The following AOC1 variants were observed in gnomAD, a reference collection of about 807,000 sequenced individuals.
AOC1 encodes the protein diamine oxidase [copper-containing].
Under a neutral mutation model 57.1 loss-of-function variants are expected in AOC1, and 58 were observed. The observed-to-expected ratio is 1.02, with a 90% CI of 0.82 to 1.26. The LOEUF (loss-of-function observed/expected upper bound fraction) is 1.26, where lower values mean the gene tolerates loss of function less well. AOC1 is among the 50% of genes most tolerant of loss of function. The pLI is 0.00. For synonymous variants in AOC1, 401 were observed against 423.4 expected (o/e 0.95, Z 0.65); for missense variants, 917 against 1,005.3 (o/e 0.91, Z 1.19).
chr7:150,860,375 G>A, intron 3 of AOC1, 126 bp from the exon 4 acceptor site: 1 of 1,538,294 alleles, frequency 6.5e-7, no homozygotes. Context: ...TCCCAGGACA[G>A]ATGATCTGTC....
Position 150,861,407 on chromosome 7 carries a change from T to A in AOC1, c.*198T>A. ...ACAGACATGCACACACACACAGACG[T>A]GCACACACACAGACGTGCACGCACT... On this transcript the variant is annotated 3_prime_UTR_variant, in exon 5 of 5. Coordinates refer to ENST00000360937, the MANE Select transcript of AOC1 (RefSeq NM_001091.4). The surrounding 1 kb of genome is among the most constrained non-coding windows in gnomAD (Gnocchi z 4.5). 1.7e-6 allele frequency: 1 copy of A among 583,808 alleles called. No individual in the cohort carries two copies. The highest frequency in any genetic ancestry group is 2.9e-6 in the Non-Finnish European group (1 of 346,906). The allele number at this position is 583,808 out of a possible 1,614,324, so 36.2% of individuals were successfully genotyped here.
Position 150,861,277 on chromosome 7 carries a change from C to G in AOC1, c.*68C>G. The G allele has an allele frequency of 6.8e-7, 1 of 1,479,132 alleles. No individual in the cohort carries two copies. The highest frequency in any genetic ancestry group is 9.0e-7 in the Non-Finnish European group (1 of 1,105,262). 91.6% of individuals were successfully genotyped at this position (1,479,132 alleles called of 1,614,324 possible). ...GAGCCTCACTGGGGCAGACAATAAA[C>G]CCTCAGAGCCTCGCTCTGTGTGCTG... On this transcript the variant is annotated 3_prime_UTR_variant, in exon 5 of 5. Transcript: ENST00000360937. This position sits in a 1 kb window ranked among gnomAD's most constrained non-coding sequence, Gnocchi z 4.5.
At position 150,861,356 on chromosome 7, in the gene AOC1, G is replaced by GCA. The variant is rs34090933; in HGVS notation, c.*156_*157dup. On this transcript the variant is annotated 3_prime_UTR_variant, in exon 5 of 5. Transcript: ENST00000360937. The surrounding 1 kb of genome is among the most constrained non-coding windows in gnomAD (Gnocchi z 4.5). Reference sequence around the variant, plus strand: ...GTGTAGGAAACACACGAACAGACGTGCACACACACAGACGTGCACACACAC... The same window carrying GCA: ...GTGTAGGAAACACACGAACAGACGTGCACACACACACAGACGTGCACACACAC... The GCA allele has an allele frequency of 0.5, 391,352 of 778,766 alleles. 106,326 individuals are homozygous for GCA. The highest frequency in any genetic ancestry group is 0.71 in the African/African-American group (39,968 of 56,174). 48.2% of individuals were successfully genotyped at this position (778,766 alleles called of 1,614,324 possible).
chr7:150,856,429 A>G lies in AOC1; in HGVS notation c.-16-26A>G. 6.4e-7 allele frequency: 1 copy of G among 1,567,730 alleles called. No individual in the cohort carries two copies. The highest frequency in any genetic ancestry group is 2.2e-5 in the East Asian group (1 of 44,592). On this transcript the variant is annotated intron_variant, in intron 1 of 4. Transcript: ENST00000360937. The surrounding 1 kb of genome is among the most constrained non-coding windows in gnomAD (Gnocchi z 5.2). ...CCCATCTCTGCCCATAAGACAACTA[A>G]GTTCATCTCCTCTATTGCATTCCAG...
Position 150,857,904 on chromosome 7 carries a change from G to T in AOC1, c.1434G>T (p.Lys478Asn). 1.9e-6 allele frequency: 3 copies of T among 1,613,528 alleles called. No homozygotes were observed. Among genetic ancestry groups the T allele is most frequent in the Non-Finnish European group, 2.5e-6 (3 of 1,179,774 alleles). The change falls in exon 2 of 5, where the codon AAG becomes AAT. Residue 478 changes from lysine to asparagine, a missense_variant. Coordinates refer to ENST00000360937, the MANE Select transcript of AOC1 (RefSeq NM_001091.4). This position sits in a 1 kb window ranked among gnomAD's most constrained non-coding sequence, Gnocchi z 6.6. Reference protein sequence around the residue: ...IFYPNGVMEAKMHATGYVHAT... With the variant: ...IFYPNGVMEANMHATGYVHAT... ...ACCCCAACGGGGTGATGGAGGCCAA[G>T]ATGCATGCCACTGGCTACGTCCACG...
intron 2 of AOC1, among the ~76,000 whole-genome samples, chr7:150,858,503 G>A (rs1799863894): frequency 6.6e-6 from 1 of 152,112 alleles, no homozygotes; most frequent in Admixed American, 6.5e-5. Context: ...TCTGGACAGA[G>A]CCTCCCATGC....
At chr7:150,858,099 C>T in intron 2 of AOC1, 59 bp downstream of exon 2, 1 of 1,488,300 alleles carries the variant, frequency 6.7e-7, no homozygotes, top group Non-Finnish European at 8.9e-7. Context: ...ATAACTTAAA[C>T]TCCCAGGAGA....
chr7:150,858,161 C>G (rs1325877969), intron 2 of AOC1, 121 bp downstream of exon 2: 4 of 1,328,096 alleles, frequency 3.0e-6, no homozygotes, highest in Non-Finnish European at 4.0e-6. Flanking sequence ...GCCAAGCCTG[C>G]TTCTGTAAAA....
chr7:150,858,784 C>T lies in AOC1; in HGVS notation c.1592C>T (p.Thr531Ile), dbSNP rs1486548178. 1 of 1,607,448 alleles carries T rather than the reference C, an allele frequency of 6.2e-7. No individual in the cohort carries two copies. Among genetic ancestry groups the T allele is most frequent in the Admixed American group, 1.7e-5 (1 of 59,814 alleles). ...CCAGGCACCAAGAACAGCTTCCAGACACTGCAGATGAAGCTAGAAAACATC... is the reference window on the plus strand; with the variant it reads ...CCAGGCACCAAGAACAGCTTCCAGATACTGCAGATGAAGCTAGAAAACATC... ...DVAGTKNSFQ[T>I]LQMKLENITN... The change falls in exon 3 of 5, where the codon ACA becomes ATA. Residue 531 changes from threonine (T) to isoleucine (I), a missense_variant. Physicochemically the swap from Thr to Ile is moderately conservative, Grantham distance 89. Coordinates refer to ENST00000360937, the MANE Select transcript of AOC1 (RefSeq NM_001091.4).
intron 1 of AOC1, among the ~76,000 whole-genome samples, chr7:150,854,997 G>A (rs949058471): frequency 1.3e-5 from 2 of 151,550 alleles, no homozygotes; most frequent in African/African-American, 4.9e-5. Context: ...TTTACCCCCA[G>A]GGCTTCTGAT....
At chr7:150,852,222 T>C (rs1488014828), upstream of AOC1, 2 of 152,236 alleles carry the variant, frequency 1.3e-5, no homozygotes, top group South Asian at 2.1e-4. This position sits in a 1 kb window ranked among gnomAD's most constrained non-coding sequence, Gnocchi z 4.6. Flanking sequence ...TGGCCCCTTG[T>C]CCTTATCTCT....
At position 150,856,150 on chromosome 7, in the gene AOC1, C is replaced by T. The variant is rs968284504; in HGVS notation, c.-16-305C>T. On this transcript the variant is annotated intron_variant, in intron 1 of 4. Transcript: ENST00000360937. This position sits in a 1 kb window ranked among gnomAD's most constrained non-coding sequence, Gnocchi z 5.2. ...GGCCCAGCCTGGCCTCTGTGACTCA[C>T]GGCACCCCTGGCTGAGATAATACAC... Among the ~76,000 whole-genome samples, 82 of 152,300 alleles carry T rather than the reference C, an allele frequency of 5.4e-4. No homozygotes were observed. Among genetic ancestry groups the T allele is most frequent in the African/African-American group, 1.9e-3 (77 of 41,564 alleles).
chr7:150,860,734 G>A lies in AOC1; in HGVS notation c.1989+101G>A. 3.4e-6 allele frequency: 5 copies of A among 1,463,422 alleles called. No homozygotes were observed. The East Asian group carries it at 6.8e-5, about 20-fold the overall frequency. 90.7% of individuals were successfully genotyped at this position (1,463,422 alleles called of 1,614,324 possible). A position where few individuals can be genotyped will look rare whatever the true frequency, so the allele number is the denominator to read the frequency against. On this transcript the variant is annotated intron_variant, in intron 4 of 4. Coordinates refer to ENST00000360937, the MANE Select transcript of AOC1 (RefSeq NM_001091.4). ...CATCAGGGAGTCCCAACCACCCTTT[G>A]CCCAGATCTGTCCCCAGTCGCAGGA...
chr7:150,858,634 C>G (rs1799867205), intron 2 of AOC1, 129 bp from the exon 3 acceptor site: 3 of 1,057,726 alleles, frequency 2.8e-6, no homozygotes, highest in Non-Finnish European at 4.1e-6. Flanking sequence ...CAGGGCATCC[C>G]CCAACATCCC....
intron 3 of AOC1, 56 bp downstream of exon 3, chr7:150,859,104 GT>G: frequency 6.9e-7 from 1 of 1,450,238 alleles, no homozygotes; most frequent in Non-Finnish European, 9.1e-7. Flanking sequence ...CAGTGTGTGT[GT>G]CTGTGTCTGT....
chr7:150,857,888 G>A lies in AOC1; in HGVS notation c.1418G>A (p.Gly473Glu), dbSNP rs1362044006. The change falls in exon 2 of 5, where the codon GGG (glycine) becomes GAG (glutamate). Residue 473 changes from glycine to glutamate, a missense_variant. Transcript: ENST00000360937. This position sits in a 1 kb window ranked among gnomAD's most constrained non-coding sequence, Gnocchi z 6.6. ...YIWDFIFYPN[G>E]VMEAKMHATG... is the part of the protein sequence containing the mutation. ...TGGGACTTTATCTTCTACCCCAACG[G>A]GGTGATGGAGGCCAAGATGCATGCC... The A allele has an allele frequency of 6.2e-7, 1 of 1,613,646 alleles. No homozygotes were observed. Among genetic ancestry groups the A allele is most frequent in the Non-Finnish European group, 8.5e-7 (1 of 1,179,740 alleles).
chr7:150,855,257 C>T (rs1369699789), intron 1 of AOC1, among the ~76,000 whole-genome samples: 1 of 152,126 alleles, frequency 6.6e-6, no homozygotes, highest in Non-Finnish European at 1.5e-5. Context: ...TGACGGCAGC[C>T]TTCCAGGGAG....
Position 150,857,201 on chromosome 7 carries a change from G to C in AOC1, c.731G>C (p.Gly244Ala). ...EQVWYNGKFY[G>A]SPEELARKYA... The stretch of plus-strand genomic sequence containing the variant: ...GTGTGGTACAACGGGAAGTTCTATG[G>C]GAGCCCAGAGGAACTGGCTCGGAAG... Residue 244 changes from glycine (G) to alanine (A), a missense_variant, in exon 2 of 5, where the codon GGG (glycine) becomes GCG (alanine). By Grantham distance (60) the Gly-to-Ala change is moderately conservative (BLOSUM62 0). Transcript: ENST00000360937. The surrounding 1 kb of genome is among the most constrained non-coding windows in gnomAD (Gnocchi z 6.6). 6.2e-7 allele frequency: 1 copy of C among 1,613,084 alleles called. No homozygotes were observed. The highest frequency in any genetic ancestry group is 2.2e-5 in the East Asian group (1 of 44,860).
chr7:150,858,957 C>A lies in AOC1; in HGVS notation c.1765C>A (p.His589Asn), dbSNP rs1799879324. The A allele has an allele frequency of 4.3e-6, 7 of 1,610,244 alleles. No homozygotes were observed. The highest frequency in any genetic ancestry group is 5.9e-6 in the Non-Finnish European group (7 of 1,177,646). Residue 589 changes from histidine to asparagine, a missense_variant, in exon 3 of 5, where the codon CAC becomes AAC. Coordinates refer to ENST00000360937, the MANE Select transcript of AOC1 (RefSeq NM_001091.4). Reference sequence around the variant, plus strand: ...CAGCCCCCAGGAGAACCCCTGGGGCCACAAGCGCACGTACCGCCTGCAGAT... The same window carrying A: ...CAGCCCCCAGGAGAACCCCTGGGGCAACAAGCGCACGTACCGCCTGCAGAT... ...FTSPQENPWG[H>N]KRTYRLQIHS...
Sources: allele counts gnomAD v4.1 joint callset (sites outside exome capture counted in the v4.1 genomes callset), GRCh38; gene constraint gnomAD v4.1.1; non-coding constraint Gnocchi (gnomAD v3.1); transcripts MANE v1.5; gene names NCBI Gene and HGNC (gene_info 2026-07-23, HGNC 2026-07-21).